The following MAGI1 variants were observed in gnomAD, a reference collection of about 807,000 sequenced individuals.
MAGI1 encodes membrane-associated guanylate kinase, WW and PDZ domain-containing protein 1.
A neutral mutation model predicts 139.9 loss-of-function variants in MAGI1; 58 were observed. The ratio of observed to expected loss-of-function variants is 0.41; its 90% confidence interval spans 0.34 to 0.52. The LOEUF is 0.52. MAGI1 is among the 20% of genes least tolerant of loss of function. The pLI is 0.12. For missense variants in MAGI1, 1,874 were observed against 1,901.6 expected (o/e 0.99, Z 0.27); for synonymous variants, 812 against 737.9 (o/e 1.10, Z -1.63).
At chr3:65,486,623 C>A (rs1254554737) in intron 3 of MAGI1, among the ~76,000 whole-genome samples, 1 of 152,338 alleles carries the variant, frequency 6.6e-6, no homozygotes, top group South Asian at 2.1e-4. Context: ...CTTTACCTTG[C>A]TTTGATGCCA....
chr3:65,907,965 CTT>C (rs2061504276), intron 1 of MAGI1, among the ~76,000 whole-genome samples: 1 of 152,186 alleles, frequency 6.6e-6, no homozygotes, highest in Admixed American at 6.5e-5. Context: ...CTCTGTTTCA[CTT>C]TCTCTCTAGT....
intron 2 of MAGI1, among the ~76,000 whole-genome samples, chr3:65,620,711 C>G (rs1202284034): frequency 6.6e-6 from 1 of 152,220 alleles, no homozygotes; most frequent in South Asian, 2.1e-4. Context: ...ATTAACACAT[C>G]ATCACAACCT....
At chr3:65,899,716 T>C (rs1206234105) in intron 1 of MAGI1, among the ~76,000 whole-genome samples, 3 of 152,216 alleles carry the variant, frequency 2.0e-5, no homozygotes, top group Non-Finnish European at 4.4e-5. Flanking sequence ...TCCATACATA[T>C]GGAGCCCCAA....
At chr3:65,533,282 G>A (rs1404533) in intron 2 of MAGI1, among the ~76,000 whole-genome samples, 150,180 of 152,262 alleles carry the variant, frequency 0.99, 74,090 homozygotes, top group East Asian at 1. Context: ...ACACTGGAGA[G>A]ATAAAGACCA....
intron 2 of MAGI1, among the ~76,000 whole-genome samples, chr3:65,579,914 C>A (rs1364221602): frequency 6.6e-6 from 1 of 151,136 alleles, no homozygotes; most frequent in African/African-American, 2.4e-5. Context: ...TAGACAAGCT[C>A]ACTGGCACTC....
At chr3:66,004,483 G>C (rs2066911295) in intron 1 of MAGI1, among the ~76,000 whole-genome samples, 1 of 152,198 alleles carries the variant, frequency 6.6e-6, no homozygotes, top group African/African-American at 2.4e-5. Flanking sequence ...TCCCAAGATA[G>C]CAAGGCAGAA....
At chr3:65,883,783 G>A (rs2060426817) in intron 1 of MAGI1, among the ~76,000 whole-genome samples, 1 of 152,168 alleles carries the variant, frequency 6.6e-6, no homozygotes, top group South Asian at 2.1e-4. Flanking sequence ...AACAATGGCT[G>A]CAGCAGTAAC....
At chr3:65,501,472 A>AAG (rs1409903564) in intron 2 of MAGI1, among the ~76,000 whole-genome samples, 1 of 151,536 alleles carries the variant, frequency 6.6e-6, no homozygotes, top group African/African-American at 2.4e-5. Context: ...AAAAAAAAAA[A>AAG]AAATTTAAAC....
chr3:65,518,619 T>A (rs1334255095), intron 2 of MAGI1, among the ~76,000 whole-genome samples: 5 of 152,208 alleles, frequency 3.3e-5, no homozygotes, highest in Non-Finnish European at 7.3e-5. Flanking sequence ...GGTGGTATTA[T>A]GAGACATTGT....
At chr3:65,807,519 C>T (rs1286730062) in intron 1 of MAGI1, among the ~76,000 whole-genome samples, 2 of 152,174 alleles carry the variant, frequency 1.3e-5, no homozygotes, top group Non-Finnish European at 2.9e-5. Context: ...GACACTTTCA[C>T]ACCATAGCAG....
At chr3:65,930,043 G>A (rs954345712) in intron 1 of MAGI1, among the ~76,000 whole-genome samples, 3 of 152,042 alleles carry the variant, frequency 2.0e-5, no homozygotes, top group African/African-American at 4.8e-5. Flanking sequence ...TAGGCCGGGC[G>A]CGTTGGCTCA....
chr3:65,839,822 G>A lies in MAGI1; in HGVS notation c.313+198174C>T, dbSNP rs146462012. Among the ~76,000 whole-genome samples, 50 of 152,284 alleles carry A rather than the reference G, an allele frequency of 3.3e-4. 1 individual carries two copies. In the East Asian group the frequency reaches 8.5e-3, roughly 26 times the overall value. On this transcript the variant is annotated intron_variant, in intron 1 of 22. Transcript: ENST00000402939. The stretch of plus-strand genomic sequence containing the variant: ...AAGATGAAAAAATAAGTTATGAACT[G>A]AGAGACATTACTTGCAAAACAAATA...
At chr3:65,895,488 G>A (rs1235362831) in intron 1 of MAGI1, among the ~76,000 whole-genome samples, 5 of 152,166 alleles carry the variant, frequency 3.3e-5, no homozygotes, top group South Asian at 4.1e-4. Context: ...CAATTCATTC[G>A]AGAAGGCAAG....
chr3:65,805,513 T>C (rs530604425), intron 1 of MAGI1, among the ~76,000 whole-genome samples: 4 of 152,308 alleles, frequency 2.6e-5, no homozygotes, highest in Non-Finnish European at 5.9e-5. Flanking sequence ...GTTCAACCAT[T>C]GTGGAAGACA....
chr3:65,360,290 T>C (rs867895482), intron 22 of MAGI1: 2 of 984,306 alleles, frequency 2.0e-6, no homozygotes, highest in East Asian at 1.1e-4. Context: ...ACAGTTTCTA[T>C]AGAAACTTTG....
chr3:65,714,768 T>C (rs1426147236), intron 1 of MAGI1, among the ~76,000 whole-genome samples: 1 of 152,132 alleles, frequency 6.6e-6, no homozygotes, highest in East Asian at 1.9e-4. Flanking sequence ...TAAGGACAAC[T>C]CTTAAGTGCC....
chr3:65,995,348 A>T (rs1300049323), intron 1 of MAGI1, among the ~76,000 whole-genome samples: 2 of 152,248 alleles, frequency 1.3e-5, no homozygotes, highest in Non-Finnish European at 2.9e-5. Flanking sequence ...ATGAGTCATT[A>T]GTAGGTGAGT....
In MAGI1 at chr3:65,364,850, G is replaced by A. The variant is rs762225153; in HGVS notation, c.3290+3C>T. 3 of 1,613,940 alleles carry A rather than the reference G, an allele frequency of 1.9e-6. No homozygotes were observed. Among genetic ancestry groups the A allele is most frequent in the Non-Finnish European group, 1.7e-6 (2 of 1,179,818 alleles). ...TTAACAAAGGAAACCAGTCATGTCT[G>A]ACCTTGTCTCCTGGGTCCCTTGCTG... On this transcript the variant is annotated splice_donor_region_variant and intron_variant, in intron 19 of 22. Coordinates refer to ENST00000402939, the MANE Select transcript of MAGI1 (RefSeq NM_001033057.2).
At chr3:65,724,770 A>T (rs1297555639) in intron 1 of MAGI1, among the ~76,000 whole-genome samples, 1 of 152,156 alleles carries the variant, frequency 6.6e-6, no homozygotes, top group African/African-American at 2.4e-5. Context: ...GTCCTTCTTC[A>T]CATGGTGGCA....
Sources: gnomAD v4.1 joint callset for allele counts (sites outside exome capture counted in the v4.1 genomes callset) on GRCh38, gnomAD v4.1.1 for gene constraint, MANE v1.5 for transcripts, NCBI Gene and HGNC (gene_info 2026-07-23, HGNC 2026-07-21) for gene names.